Variants in RAI14 observed in about 807,000 individuals in gnomAD.
The protein encoded by RAI14 is retinoic acid induced 14, also known as ankycorbin.
In RAI14, 45 loss-of-function variants were observed where a neutral mutation model predicts 115.4. The ratio of observed to expected loss-of-function variants is 0.39; its 90% CI spans 0.31 to 0.50. The LOEUF (loss-of-function observed/expected upper bound fraction) is 0.50. RAI14 is among the 20% of genes least tolerant of loss of function. The pLI is 0.85. For synonymous variants in RAI14, 371 were observed against 415.4 expected (o/e 0.89, Z 1.30); for missense variants, 939 against 1,131.2 (o/e 0.83, Z 2.44).
intron 2 of RAI14, among the ~76,000 whole-genome samples, chr5:34,745,666 C>T (rs112248793): frequency 0.019 from 2,949 of 152,320 alleles, 89 homozygotes; most frequent in African/African-American, 0.067. Flanking sequence ...TCCCATCCTA[C>T]CCGATGCCTC....
chr5:34,774,282 A>C (rs1750559023), intron 3 of RAI14, among the ~76,000 whole-genome samples: 1 of 152,070 alleles, frequency 6.6e-6, no homozygotes, highest in Non-Finnish European at 1.5e-5. Flanking sequence ...GAGGAAGGAG[A>C]ATCTCTTGAA....
At chr5:34,740,552 G>A (rs961187197) in intron 2 of RAI14, among the ~76,000 whole-genome samples, 26 of 152,170 alleles carry the variant, frequency 1.7e-4, no homozygotes, top group African/African-American at 6.3e-4. Context: ...TCCTTGGTTT[G>A]GCTCCTCTGT....
intron 2 of RAI14, among the ~76,000 whole-genome samples, chr5:34,725,660 G>A (rs1385845405): frequency 2.6e-5 from 4 of 151,868 alleles, no homozygotes; most frequent in African/African-American, 9.7e-5. Context: ...CGATAACCAA[G>A]TGCTGCAATT....
At chr5:34,737,631 C>T (rs973001008) in intron 2 of RAI14, among the ~76,000 whole-genome samples, 2 of 151,836 alleles carry the variant, frequency 1.3e-5, no homozygotes, top group African/African-American at 4.8e-5. Flanking sequence ...TGGTGGCTTG[C>T]ACCTGTAGTC....
In RAI14 at chr5:34,830,933, G is replaced by A. The variant is rs151279959; in HGVS notation, c.*168G>A. The A allele has an allele frequency of 8.5e-5, 106 of 1,242,154 alleles. 1 individual carries two copies. The African/African-American group carries it at 8.7e-4, about 10-fold the overall frequency. The allele number at this position is 1,242,154 out of a possible 1,614,324, so 76.9% of individuals were successfully genotyped here. ...GACTTCTCCCAGGAGAAGACTGCCC[G>A]CCTCAGAACTGCTTAGAGACTTCAA... On this transcript the variant is annotated 3_prime_UTR_variant, in exon 18 of 18. Transcript: ENST00000265109.
intron 13 of RAI14, 57 bp downstream of exon 13, chr5:34,818,908 A>G: frequency 6.7e-7 from 1 of 1,502,882 alleles, no homozygotes; most frequent in South Asian, 1.2e-5. Context: ...TTTCATGTCC[A>G]TTTAAAGAGA....
At chr5:34,694,602 T>C (rs1482574436) in intron 2 of RAI14, among the ~76,000 whole-genome samples, 1 of 152,194 alleles carries the variant, frequency 6.6e-6, no homozygotes, top group Non-Finnish European at 1.5e-5. Context: ...AAGCACTGCC[T>C]GAAAGGATTT....
chr5:34,733,840 G>A (rs775239866), intron 2 of RAI14, among the ~76,000 whole-genome samples: 4 of 152,234 alleles, frequency 2.6e-5, no homozygotes, highest in South Asian at 2.1e-4. Context: ...TCCGTGACTC[G>A]GGCTCTGCCT....
rs773528854 is a variant in RAI14, at chr5:34,808,535, G to A, written c.380-49G>A. The A allele has an allele frequency of 2.6e-6, 4 of 1,540,080 alleles. No homozygotes were observed. In the East Asian group the frequency reaches 6.7e-5, roughly 26 times the overall value. Reference sequence around the variant, plus strand: ...CCTGAAGTATCTGATACCCCTGGTTGTGAATAACTGTGTGATTGGCTGTGG... The same window carrying A: ...CCTGAAGTATCTGATACCCCTGGTTATGAATAACTGTGTGATTGGCTGTGG... On this transcript the variant is annotated intron_variant, in intron 6 of 17. Coordinates refer to ENST00000265109, the MANE Select transcript of RAI14 (RefSeq NM_015577.3).
intron 2 of RAI14, among the ~76,000 whole-genome samples, chr5:34,723,153 G>A (rs192560541): frequency 4.2e-4 from 63 of 150,830 alleles, no homozygotes; most frequent in African/African-American, 1.5e-3. Context: ...CCACTGTGGA[G>A]TGATGGTGAG....
intron 3 of RAI14, among the ~76,000 whole-genome samples, chr5:34,785,178 G>A (rs893843054): frequency 6.6e-5 from 10 of 152,156 alleles, no homozygotes; most frequent in South Asian, 2.1e-4. Flanking sequence ...AGCGGCCACT[G>A]TTCTATCAAA....
intron 12 of RAI14, among the ~76,000 whole-genome samples, chr5:34,815,349 C>T (rs1474846031): frequency 6.6e-6 from 1 of 151,224 alleles, no homozygotes. Context: ...CCACTGCACT[C>T]TAGCTTGGCA....
chr5:34,731,840 C>T (rs1744223634), intron 2 of RAI14, among the ~76,000 whole-genome samples: 1 of 152,206 alleles, frequency 6.6e-6, no homozygotes, highest in Admixed American at 6.5e-5. Flanking sequence ...TTATTCAAAG[C>T]AAGGCAGTTG....
chr5:34,828,433 G>T (rs979844228), intron 16 of RAI14, among the ~76,000 whole-genome samples: 1 of 152,088 alleles, frequency 6.6e-6, no homozygotes, highest in Non-Finnish European at 1.5e-5. Context: ...CAGATCAGAA[G>T]ATAAAATCAT....
At chr5:34,762,875 GTAT>G (rs1361321582) in intron 3 of RAI14, among the ~76,000 whole-genome samples, 1 of 151,836 alleles carries the variant, frequency 6.6e-6, no homozygotes, top group Admixed American at 6.6e-5. Flanking sequence ...CGGCACTGTA[GTAT>G]TTGAACAAAT....
In RAI14 at chr5:34,824,408, T is replaced by A. The variant is rs540801694; in HGVS notation, c.2566T>A (p.Phe856Ile). ...EQEVNELLQK[F>I]QQAQEELAEM... ...AGAAGTAAATGAACTTCTGCAAAAA[T>A]TCCAGCAAGCTCAGGAAGAACTTGC... The change falls in exon 15 of 18, where the codon TTC becomes ATC. Residue 856 changes from phenylalanine to isoleucine, a missense_variant. Phe to Ile is a conservative substitution (Grantham distance 21). Coordinates refer to ENST00000265109, the MANE Select transcript of RAI14 (RefSeq NM_015577.3). 28 of 1,608,614 alleles carry A rather than the reference T, an allele frequency of 1.7e-5. No homozygotes were observed. In the African/African-American group the frequency reaches 3.3e-4, roughly 19 times the overall value.
At position 34,804,633 on chromosome 5, in the gene RAI14, T is replaced by G. The variant is rs142970243; in HGVS notation, c.321+857T>G. 1.3e-3 allele frequency among the ~76,000 whole-genome samples: 195 copies of G among 152,384 alleles called. 1 individual carries two copies. Among genetic ancestry groups the G allele is most frequent in the African/African-American group, 4.4e-3 (185 of 41,596 alleles). ...CCTGTGCTGTTGATCACACAGCTTC[T>G]TGTCTTGCGTTACATGATGCAAGCT... On this transcript the variant is annotated intron_variant, in intron 5 of 17. Transcript: ENST00000265109.
At chr5:34,780,006 C>T (rs573136874) in intron 3 of RAI14, among the ~76,000 whole-genome samples, 3 of 152,210 alleles carry the variant, frequency 2.0e-5, no homozygotes, top group Non-Finnish European at 4.4e-5. Context: ...CAGCACAGTA[C>T]TGGTACCAAA....
At chr5:34,724,748 C>T (rs1743231952) in intron 2 of RAI14, among the ~76,000 whole-genome samples, 1 of 152,180 alleles carries the variant, frequency 6.6e-6, no homozygotes, top group Admixed American at 6.5e-5. Flanking sequence ...TTCCTTGGGA[C>T]TTTGCACCAC....
Sources: allele counts gnomAD v4.1 joint callset (sites outside exome capture counted in the v4.1 genomes callset), GRCh38; gene constraint gnomAD v4.1.1; transcripts MANE v1.5; gene names NCBI Gene and HGNC (gene_info 2026-07-23, HGNC 2026-07-21).